Variants in SHISA9 observed in about 807,000 individuals in gnomAD.
SHISA9 encodes the protein protein shisa-9.
SHISA9 carries 13 observed loss-of-function variants against 38.0 expected under a neutral mutation model. The ratio of observed to expected loss-of-function variants is 0.34; its 90% CI spans 0.22 to 0.54. The LOEUF is 0.54. SHISA9 is among the 20% of genes least tolerant of loss of function. The pLI, the probability that SHISA9 is intolerant of heterozygous loss-of-function variation, is 0.91. For missense variants in SHISA9, 538 were observed against 575.8 expected, an observed-to-expected ratio of 0.93 and a Z score of 0.67; for synonymous variants, 275 against 242.0, an observed-to-expected ratio of 1.14 and a Z score of -1.27.
the SHISA9 span, among the ~76,000 whole-genome samples, chr16:13,320,388 T>G: frequency 6.6e-6 from 1 of 151,824 alleles, no homozygotes; most frequent in Non-Finnish European, 1.5e-5. Context: ...TTTCTCTCTT[T>G]GTAGGTATGT....
chr16:13,121,806 C>A (rs2050212938), intron 2 of SHISA9, among the ~76,000 whole-genome samples: 1 of 148,018 alleles, frequency 6.8e-6, no homozygotes, highest in African/African-American at 2.5e-5. Flanking sequence ...TATAATAGGT[C>A]ACAACATTAA....
At chr16:12,983,176 T>C (rs16960937) in intron 2 of SHISA9, among the ~76,000 whole-genome samples, 16,699 of 152,162 alleles carry the variant, frequency 0.11, 1,404 homozygotes, top group African/African-American at 0.23. Flanking sequence ...CAGAGAGAAG[T>C]GTTCAGAATA....
At chr16:13,012,199 T>C (rs1471268913) in intron 2 of SHISA9, among the ~76,000 whole-genome samples, 1 of 152,206 alleles carries the variant, frequency 6.6e-6, no homozygotes, top group Non-Finnish European at 1.5e-5. Context: ...TGTGTCTGGC[T>C]TATTTCCCTT....
At chr16:12,995,051 T>C (rs560494589) in intron 2 of SHISA9, among the ~76,000 whole-genome samples, 33 of 152,128 alleles carry the variant, frequency 2.2e-4, no homozygotes, top group Non-Finnish European at 4.1e-4. Flanking sequence ...AGTATTTTTT[T>C]TTTTAAAATA....
the SHISA9 span, among the ~76,000 whole-genome samples, chr16:13,523,096 C>T: frequency 6.6e-6 from 1 of 152,156 alleles, no homozygotes; most frequent in Non-Finnish European, 1.5e-5. Flanking sequence ...GCCTGTAATC[C>T]TGGCACTGTG....
At chr16:13,385,357 G>A in the SHISA9 span, among the ~76,000 whole-genome samples, 2 of 152,220 alleles carry the variant, frequency 1.3e-5, no homozygotes, top group Non-Finnish European at 2.9e-5. Context: ...GCTTATAGCA[G>A]CTTTATTCAT....
chr16:13,494,432 C>T, the SHISA9 span, among the ~76,000 whole-genome samples: 2 of 146,904 alleles, frequency 1.4e-5, no homozygotes, highest in Non-Finnish European at 1.5e-5. Context: ...AATGTTTTAT[C>T]TTTAAAAAGA....
At chr16:13,210,373 G>A (rs945953388) in intron 3 of SHISA9, among the ~76,000 whole-genome samples, 1 of 152,090 alleles carries the variant, frequency 6.6e-6, no homozygotes, top group Non-Finnish European at 1.5e-5. Flanking sequence ...TTGAGTATAA[G>A]AAAGAGACAG....
chr16:13,390,837 T>C, the SHISA9 span, among the ~76,000 whole-genome samples: 2 of 152,226 alleles, frequency 1.3e-5, no homozygotes, highest in African/African-American at 4.8e-5. Context: ...CTTAGGTGAC[T>C]TCTCTTGGCT....
chr16:13,548,543 CAAAAGACCTG>C, the SHISA9 span, among the ~76,000 whole-genome samples: 1 of 152,084 alleles, frequency 6.6e-6, no homozygotes, highest in East Asian at 1.9e-4. Context: ...TAAAAAGGGG[CAAAAGACCTG>C]AACAGACATT....
chr16:13,112,405 T>A (rs2073987855), intron 2 of SHISA9, among the ~76,000 whole-genome samples: 1 of 151,830 alleles, frequency 6.6e-6, no homozygotes, highest in South Asian at 2.1e-4. Context: ...AAAAAAAGGT[T>A]TTGATTTTCA....
downstream of SHISA9, among the ~76,000 whole-genome samples, chr16:13,243,920 G>A (rs892358731): frequency 6.6e-6 from 1 of 151,850 alleles, no homozygotes; most frequent in Non-Finnish European, 1.5e-5. Flanking sequence ...CTACAGGCAC[G>A]CACCACCACA....
the SHISA9 span, among the ~76,000 whole-genome samples, chr16:13,393,020 C>A: frequency 1.2e-4 from 19 of 152,210 alleles, no homozygotes; most frequent in Admixed American, 3.9e-4. Flanking sequence ...ACTAATACAA[C>A]GCCCCAGGAT....
chr16:13,215,009 G>A (rs1307670406), intron 4 of SHISA9, among the ~76,000 whole-genome samples: 1 of 152,114 alleles, frequency 6.6e-6, no homozygotes, highest in Non-Finnish European at 1.5e-5. Context: ...CTGGATTAGG[G>A]GACTGTGGAC....
the SHISA9 span, among the ~76,000 whole-genome samples, chr16:13,320,449 T>C: frequency 2.0e-5 from 3 of 152,150 alleles, no homozygotes; most frequent in Admixed American, 1.3e-4. Flanking sequence ...CCTTAACTGT[T>C]GTAATAATGT....
At chr16:13,064,438 A>G (rs1476564960) in intron 2 of SHISA9, among the ~76,000 whole-genome samples, 8 of 152,196 alleles carry the variant, frequency 5.3e-5, no homozygotes, top group African/African-American at 9.7e-5. Context: ...AAACCTGCAC[A>G]TGTTCCCCTT....
At chr16:13,480,742 C>T in the SHISA9 span, among the ~76,000 whole-genome samples, 4 of 150,086 alleles carry the variant, frequency 2.7e-5, no homozygotes, top group African/African-American at 7.5e-5. Flanking sequence ...CTGAGAATGG[C>T]GCAAGAAAAC....
the SHISA9 span, among the ~76,000 whole-genome samples, chr16:13,277,926 G>A: frequency 0.51 from 77,925 of 151,708 alleles, 20,234 homozygotes; most frequent in Admixed American, 0.58. Flanking sequence ...TTGTCTTAAT[G>A]TTCTGGCTAA....
chr16:13,093,824 C>T (rs74344151), intron 2 of SHISA9, among the ~76,000 whole-genome samples: 1 of 152,170 alleles, frequency 6.6e-6, no homozygotes, highest in Non-Finnish European at 1.5e-5. Flanking sequence ...TAAATAGTGA[C>T]AGGGCAAACT....
Sources: gnomAD v4.1 joint callset for allele counts (sites outside exome capture counted in the v4.1 genomes callset) on GRCh38, gnomAD v4.1.1 for gene constraint, MANE v1.5 for transcripts, NCBI Gene and HGNC (gene_info 2026-07-23, HGNC 2026-07-21) for gene names.